NCKAP5: variants seen among roughly 807,000 people sequenced by gnomAD.
NCKAP5 encodes NCK associated protein 5.
In NCKAP5, 92 loss-of-function variants were observed where a neutral mutation model predicts 167.0. The observed-to-expected ratio is 0.55, with a 90% CI of 0.47 to 0.66. NCKAP5 has a LOEUF of 0.66. Among genes scored for constraint, NCKAP5 ranks in the 30% least tolerant of loss-of-function variants. The pLI is 0.00. For synonymous variants in NCKAP5, 891 were observed against 877.4 expected (o/e 1.02, Z -0.27); for missense variants, 2,378 against 2,315.0 (o/e 1.03, Z -0.56).
At chr2:133,163,343 G>A (rs1237584417) in intron 5 of NCKAP5, among the ~76,000 whole-genome samples, 1 of 152,112 alleles carries the variant, frequency 6.6e-6, no homozygotes, top group East Asian at 1.9e-4. Flanking sequence ...CCCATTTATC[G>A]CAGGCTCAAA....
chr2:132,828,776 C>T (rs938744303), intron 11 of NCKAP5, among the ~76,000 whole-genome samples: 1 of 152,156 alleles, frequency 6.6e-6, no homozygotes, highest in Non-Finnish European at 1.5e-5. Context: ...CTCAAGCTTC[C>T]ACAGGTAGCT....
chr2:133,137,718 A>G (rs2082845069), intron 5 of NCKAP5, among the ~76,000 whole-genome samples: 1 of 152,210 alleles, frequency 6.6e-6, no homozygotes, highest in African/African-American at 2.4e-5. Flanking sequence ...GAGTTTTTCC[A>G]GGGTGGGTTG....
chr2:133,441,051 G>T (rs1298732251), intron 3 of NCKAP5, among the ~76,000 whole-genome samples: 1 of 151,044 alleles, frequency 6.6e-6, no homozygotes, highest in African/African-American at 2.4e-5. Flanking sequence ...AGAAAACACA[G>T]GATTATTCTG....
chr2:133,000,303 T>G (rs2077735855), intron 6 of NCKAP5, among the ~76,000 whole-genome samples: 1 of 152,176 alleles, frequency 6.6e-6, no homozygotes, highest in South Asian at 2.1e-4. Context: ...AGAAAGAGGC[T>G]GCAGTTAAAT....
chr2:133,426,336 G>T (rs2151108440), intron 3 of NCKAP5, among the ~76,000 whole-genome samples: 1 of 149,288 alleles, frequency 6.7e-6, no homozygotes, highest in Admixed American at 6.8e-5. Flanking sequence ...TCAAAACTGT[G>T]ATGCAGTAAA....
At chr2:133,178,427 C>T (rs922256227) in intron 5 of NCKAP5, among the ~76,000 whole-genome samples, 3 of 142,038 alleles carry the variant, frequency 2.1e-5, no homozygotes, top group Non-Finnish European at 4.5e-5. Context: ...ATTGCCTGAA[C>T]CCGGGAAGTG....
At chr2:132,925,168 C>T (rs980422248) in intron 8 of NCKAP5, among the ~76,000 whole-genome samples, 19 of 151,936 alleles carry the variant, frequency 1.3e-4, no homozygotes, top group African/African-American at 4.4e-4. Flanking sequence ...GAAACTGTTC[C>T]ACCTCAGATC....
intron 8 of NCKAP5, among the ~76,000 whole-genome samples, chr2:132,886,648 T>C (rs557125251): frequency 6.6e-6 from 1 of 152,236 alleles, no homozygotes; most frequent in African/African-American, 2.4e-5. Context: ...CCAGTTATTT[T>C]GTAGAATGTC....
intron 4 of NCKAP5, among the ~76,000 whole-genome samples, chr2:133,280,646 A>T (rs1404175226): frequency 6.6e-6 from 1 of 152,146 alleles, no homozygotes. Flanking sequence ...CTTATTTAGG[A>T]GTTAGTACAT....
chr2:133,620,077 G>T, the NCKAP5 span, among the ~76,000 whole-genome samples: 1 of 151,876 alleles, frequency 6.6e-6, no homozygotes, highest in East Asian at 1.9e-4. Context: ...TACCAAGCCT[G>T]CTAAAAGGAG....
At chr2:133,101,046 TA>T (rs2081497574) in intron 6 of NCKAP5, among the ~76,000 whole-genome samples, 1 of 152,004 alleles carries the variant, frequency 6.6e-6, no homozygotes. Context: ...GTCTAACGTT[TA>T]AACCTTTAAT....
At chr2:132,696,654 G>A (rs1421847951) in intron 19 of NCKAP5, among the ~76,000 whole-genome samples, 1 of 152,112 alleles carries the variant, frequency 6.6e-6, no homozygotes, top group Non-Finnish European at 1.5e-5. Flanking sequence ...CTTAATCATC[G>A]TACATGATTC....
At chr2:133,503,803 T>C (rs533630306) in intron 3 of NCKAP5, among the ~76,000 whole-genome samples, 2 of 152,120 alleles carry the variant, frequency 1.3e-5, no homozygotes, top group East Asian at 3.9e-4. Context: ...TACCAAAGAG[T>C]TTCTCTGGAT....
intron 6 of NCKAP5, among the ~76,000 whole-genome samples, chr2:133,098,471 GAC>G (rs999773319): frequency 1.3e-4 from 20 of 152,206 alleles, no homozygotes; most frequent in Middle Eastern, 6.8e-3. Context: ...TTAAAGTGTT[GAC>G]ATTTTTCCAC....
chr2:133,405,068 T>G (rs1688338206), intron 3 of NCKAP5, among the ~76,000 whole-genome samples: 1 of 152,216 alleles, frequency 6.6e-6, no homozygotes, highest in African/African-American at 2.4e-5. Context: ...CATCTCATTA[T>G]TCACAGTAGT....
intron 11 of NCKAP5, among the ~76,000 whole-genome samples, chr2:132,840,363 C>A (rs1161922661): frequency 6.6e-6 from 1 of 151,028 alleles, no homozygotes; most frequent in African/African-American, 2.4e-5. Flanking sequence ...GCAACCTCCA[C>A]CTCCCGGGTT....
At chr2:133,241,817 T>A in intron 4 of NCKAP5, among the ~76,000 whole-genome samples, 1 of 152,154 alleles carries the variant, frequency 6.6e-6, no homozygotes, top group East Asian at 1.9e-4. Context: ...TAGGGATATT[T>A]TGCATATTAA....
intron 2 of NCKAP5, among the ~76,000 whole-genome samples, chr2:133,547,578 C>A (rs201094816): frequency 6.6e-6 from 1 of 151,320 alleles, no homozygotes; most frequent in Non-Finnish European, 1.5e-5. Context: ...CCCCTGACCC[C>A]CGAGCAGCCT....
At chr2:132,885,905 T>C (rs998014485) in intron 8 of NCKAP5, among the ~76,000 whole-genome samples, 2 of 152,210 alleles carry the variant, frequency 1.3e-5, no homozygotes, top group South Asian at 2.1e-4. Context: ...ACATAACAGC[T>C]CCGCTGCAGG....
Sources: gnomAD v4.1 joint callset for allele counts (sites outside exome capture counted in the v4.1 genomes callset) on GRCh38, gnomAD v4.1.1 for gene constraint, MANE v1.5 for transcripts, NCBI Gene and HGNC (gene_info 2026-07-23, HGNC 2026-07-21) for gene names.